Variants in EHMT1 observed in about 807,000 individuals in gnomAD.
The protein encoded by EHMT1 is histone-lysine N-methyltransferase EHMT1.
EHMT1 carries 15 observed loss-of-function variants against 147.2 expected under a neutral mutation model. The observed-to-expected ratio is 0.10, with a 90% CI of 0.07 to 0.16. EHMT1 has a LOEUF of 0.16. EHMT1 is among the 10% of genes least tolerant of loss of function. The probability of loss-of-function intolerance (pLI) is 1.00; values close to 1 mark genes in which losing one functional copy is unlikely to be tolerated. For synonymous variants in EHMT1, 795 were observed against 709.6 expected, an observed-to-expected ratio of 1.12 and a Z score of -1.91; for missense variants, 1,587 against 1,772.4, an observed-to-expected ratio of 0.90 and a Z score of 1.88.
intron 1 of EHMT1, among the ~76,000 whole-genome samples, chr9:137,620,282 T>G (rs1342254607): frequency 6.6e-6 from 1 of 152,206 alleles, no homozygotes; most frequent in Non-Finnish European, 1.5e-5. Context: ...AGAAGACGTG[T>G]AGTGATGAAT....
At chr9:137,688,500 A>G (rs1209173243) in intron 1 of EHMT1, among the ~76,000 whole-genome samples, 5 of 152,282 alleles carry the variant, frequency 3.3e-5, no homozygotes, top group Admixed American at 3.3e-4. Flanking sequence ...GGAGGGCCAC[A>G]CTGATGCCTG....
intron 1 of EHMT1, among the ~76,000 whole-genome samples, chr9:137,646,003 G>C (rs1689393669): frequency 6.6e-6 from 1 of 151,948 alleles, no homozygotes; most frequent in East Asian, 1.9e-4. Context: ...CTGTTGCCCA[G>C]GCTGGAGTGC....
At chr9:137,834,748 A>C in intron 26 of EHMT1, 25 bp from the exon 27 acceptor site, 1 of 1,613,222 alleles carries the variant, frequency 6.2e-7, no homozygotes, top group Non-Finnish European at 8.5e-7. Context: ...TTCGACTTGG[A>C]GCCTTGGTTC....
At chr9:137,764,271 C>T (rs1427295536) in intron 10 of EHMT1, 1 of 152,452 alleles carries the variant, frequency 6.6e-6, no homozygotes, top group African/African-American at 2.4e-5. Context: ...CCCAGCTAGG[C>T]GACGTCTGCG....
chr9:137,633,694 C>T (rs1055540433), intron 1 of EHMT1, among the ~76,000 whole-genome samples: 3 of 152,116 alleles, frequency 2.0e-5, no homozygotes, highest in African/African-American at 7.2e-5. Flanking sequence ...CAGATCATTC[C>T]GTCACCCCAA....
chr9:137,780,237 T>C (rs1318620837), intron 14 of EHMT1, among the ~76,000 whole-genome samples: 2 of 121,584 alleles, frequency 1.6e-5, no homozygotes, highest in Non-Finnish European at 3.4e-5. Flanking sequence ...GTGATGACGC[T>C]GGGATGTGTG....
At chr9:137,724,941 G>C (rs28500657) in intron 3 of EHMT1, among the ~76,000 whole-genome samples, 3,633 of 118,840 alleles carry the variant, frequency 0.031, 152 homozygotes, top group African/African-American at 0.18. Flanking sequence ...TGTGGCATTC[G>C]TGGGGCAGGC....
At chr9:137,797,923 G>A (rs1448265187) in intron 16 of EHMT1, among the ~76,000 whole-genome samples, 1 of 152,230 alleles carries the variant, frequency 6.6e-6, no homozygotes, top group East Asian at 1.9e-4. Flanking sequence ...TAAGGCGTGT[G>A]GATGGCACAG....
At position 137,654,069 on chromosome 9, in the gene EHMT1, C is replaced by A. The variant is rs139895485; in HGVS notation, c.21+35020C>A. On this transcript the variant is annotated intron_variant, in intron 1 of 26. Transcript: ENST00000460843. ...GATTCTCCTTTTATTGAATAGTCTT[C>A]ATGGCTTCATTGAAAAATTAATTGA... 3.4e-3 allele frequency among the ~76,000 whole-genome samples: 519 copies of A among 152,310 alleles called. 1 individual carries two copies. The highest frequency in any genetic ancestry group is 3.7e-3 in the Non-Finnish European group (254 of 68,028).
intron 1 of EHMT1, among the ~76,000 whole-genome samples, chr9:137,668,190 C>T (rs372697568): frequency 7.9e-5 from 12 of 152,108 alleles, no homozygotes; most frequent in East Asian, 5.8e-4. Context: ...TGGCTTTGGG[C>T]GCCAGCTGTC....
At chr9:137,654,700 G>A (rs1413038534) in intron 1 of EHMT1, among the ~76,000 whole-genome samples, 2 of 152,200 alleles carry the variant, frequency 1.3e-5, no homozygotes, top group Non-Finnish European at 2.9e-5. Context: ...TGGCTGGGGA[G>A]GCAGTACATG....
At chr9:137,747,533 T>C (rs1948645416) in intron 6 of EHMT1, 1 of 152,176 alleles carries the variant, frequency 6.6e-6, no homozygotes, top group South Asian at 2.1e-4. Context: ...TACCCCAGGA[T>C]GAGAGTGATT....
At chr9:137,788,299 G>A (rs1952162897) in intron 15 of EHMT1, 3 of 416,282 alleles carry the variant, frequency 7.2e-6, no homozygotes, top group South Asian at 6.9e-5. Flanking sequence ...CCGAGCGGCT[G>A]GTAGGACTGG....
At chr9:137,757,094 C>T (rs1949433100) in intron 8 of EHMT1, among the ~76,000 whole-genome samples, 1 of 152,206 alleles carries the variant, frequency 6.6e-6, no homozygotes, top group South Asian at 2.1e-4. Context: ...TTTCATAGGC[C>T]TCCTCAGTGA....
intron 18 of EHMT1, among the ~76,000 whole-genome samples, chr9:137,804,263 C>T (rs1004218319): frequency 3.9e-5 from 6 of 152,214 alleles, no homozygotes; most frequent in East Asian, 1.9e-4. Context: ...CTGGTTCCTC[C>T]GCATCCTTCC....
chr9:137,696,766 A>G (rs17065647), intron 1 of EHMT1, among the ~76,000 whole-genome samples: 2,367 of 152,216 alleles, frequency 0.016, 50 homozygotes, highest in African/African-American at 0.043. Context: ...CGGGTAGGTA[A>G]TATGTGAAAG....
intron 25 of EHMT1, among the ~76,000 whole-genome samples, chr9:137,829,541 G>A (rs955201883): frequency 1.3e-5 from 2 of 152,210 alleles, no homozygotes; most frequent in Non-Finnish European, 2.9e-5. Context: ...TGAGATTGCC[G>A]TCACGTGAGG....
At chr9:137,784,043 C>A in intron 15 of EHMT1, 1 of 776,178 alleles carries the variant, frequency 1.3e-6, no homozygotes. Flanking sequence ...TCCATTTTCT[C>A]TAGCTATAAG....
At chr9:137,792,326 T>G in intron 16 of EHMT1, 2 of 298,776 alleles carry the variant, frequency 6.7e-6, no homozygotes, top group Non-Finnish European at 1.3e-5. Context: ...AAGACTGTCT[T>G]TTCAACAGAT....
Sources: allele counts gnomAD v4.1 joint callset (sites outside exome capture counted in the v4.1 genomes callset), GRCh38; gene constraint gnomAD v4.1.1; transcripts MANE v1.5; gene names NCBI Gene and HGNC (gene_info 2026-07-23, HGNC 2026-07-21).